Variants in CSNK2A2IP observed in about 807,000 individuals in gnomAD.
CSNK2A2IP encodes the protein casein kinase 2 subunit alpha' interacting protein.
the CSNK2A2IP span, among the ~76,000 whole-genome samples, chr3:88,388,949 G>A: frequency 6.7e-6 from 1 of 148,246 alleles, no homozygotes; most frequent in Non-Finnish European, 1.5e-5. Flanking sequence ...TGTCTCCTTT[G>A]TGCTGCTTTA....
the CSNK2A2IP span, among the ~76,000 whole-genome samples, chr3:88,368,756 C>T: frequency 6.6e-6 from 1 of 152,096 alleles, no homozygotes; most frequent in South Asian, 2.1e-4. Context: ...TTGCATTGAC[C>T]TTTGATCTGT....
chr3:88,403,712 C>A, the CSNK2A2IP span, among the ~76,000 whole-genome samples: 2 of 152,006 alleles, frequency 1.3e-5, no homozygotes, highest in East Asian at 3.9e-4. Flanking sequence ...TTTACTTTTT[C>A]TAGGTTAAGG....
At chr3:88,435,971 A>G in the CSNK2A2IP span, among the ~76,000 whole-genome samples, 1 of 139,092 alleles carries the variant, frequency 7.2e-6, no homozygotes, top group South Asian at 2.3e-4. Flanking sequence ...TGTGCATTAT[A>G]TATATTTCAG....
the CSNK2A2IP span, among the ~76,000 whole-genome samples, chr3:88,464,611 C>T: frequency 2.6e-5 from 4 of 151,922 alleles, no homozygotes; most frequent in Admixed American, 6.6e-5. Flanking sequence ...TAAAAATATG[C>T]GATAGACTTT....
chr3:88,415,058 T>C, the CSNK2A2IP span, among the ~76,000 whole-genome samples: 2 of 151,768 alleles, frequency 1.3e-5, no homozygotes, highest in East Asian at 1.9e-4. Flanking sequence ...TAAATTTACA[T>C]TCATGTAAGA....
chr3:88,404,594 CTT>C, the CSNK2A2IP span, among the ~76,000 whole-genome samples: 23 of 122,670 alleles, frequency 1.9e-4, 1 homozygote, highest in African/African-American at 4.5e-4. Context: ...TCCATTTACT[CTT>C]TGTTTCTCTC....
chr3:88,394,303 C>G, the CSNK2A2IP span, among the ~76,000 whole-genome samples: 1 of 152,106 alleles, frequency 6.6e-6, no homozygotes, highest in African/African-American at 2.4e-5. Context: ...ATATCATCAC[C>G]AATATTTGGT....
chr3:88,397,995 A>T, the CSNK2A2IP span, among the ~76,000 whole-genome samples: 4 of 152,110 alleles, frequency 2.6e-5, no homozygotes, highest in Non-Finnish European at 5.9e-5. Context: ...TTTGGATAGG[A>T]ACCATTGTTC....
the CSNK2A2IP span, among the ~76,000 whole-genome samples, chr3:88,430,777 A>C: frequency 1.3e-5 from 2 of 151,386 alleles, no homozygotes; most frequent in Non-Finnish European, 3.0e-5. Flanking sequence ...AACAACATGG[A>C]AAAAAAAACC....
At chr3:88,457,771 A>G in the CSNK2A2IP span, among the ~76,000 whole-genome samples, 1 of 149,512 alleles carries the variant, frequency 6.7e-6, no homozygotes, top group African/African-American at 2.5e-5. Context: ...AGTTTTTAAC[A>G]TAGCTTGAGT....
chr3:88,354,848 A>T, the CSNK2A2IP span, among the ~76,000 whole-genome samples: 2 of 152,180 alleles, frequency 1.3e-5, no homozygotes, highest in African/African-American at 2.4e-5. Context: ...AGAACTAAGG[A>T]TGTGTGTAAC....
chr3:88,350,438 G>A, the CSNK2A2IP span, among the ~76,000 whole-genome samples: 3 of 152,008 alleles, frequency 2.0e-5, no homozygotes, highest in East Asian at 3.9e-4. Flanking sequence ...CTTCATTGAG[G>A]AATTCATCGC....
At chr3:88,388,979 T>C in the CSNK2A2IP span, among the ~76,000 whole-genome samples, 40 of 20,668 alleles carry the variant, frequency 1.9e-3, no homozygotes, top group Non-Finnish European at 0.025. Context: ...GATATAACAA[T>C]GAACCAGCAG....
chr3:88,417,729 GTTC>G, the CSNK2A2IP span, among the ~76,000 whole-genome samples: 2 of 152,086 alleles, frequency 1.3e-5, no homozygotes, highest in African/African-American at 4.8e-5. Flanking sequence ...GTAGGTCCTG[GTTC>G]TTCTTCCTGA....
At chr3:88,340,123 A>C in the CSNK2A2IP span, among the ~76,000 whole-genome samples, 1 of 152,114 alleles carries the variant, frequency 6.6e-6, no homozygotes, top group South Asian at 2.1e-4. Context: ...AGTCATTGTG[A>C]TTATGACTTG....
At chr3:88,351,118 T>C in the CSNK2A2IP span, among the ~76,000 whole-genome samples, 65 of 152,172 alleles carry the variant, frequency 4.3e-4, 1 homozygote, top group Admixed American at 4.2e-3. Context: ...TTCTCTAATA[T>C]TAGAAAATGA....
chr3:88,342,107 A>G, the CSNK2A2IP span, among the ~76,000 whole-genome samples: 3 of 151,968 alleles, frequency 2.0e-5, no homozygotes, highest in South Asian at 2.1e-4. Flanking sequence ...GTAGTCTGGT[A>G]TAGTAAATAA....
the CSNK2A2IP span, among the ~76,000 whole-genome samples, chr3:88,357,007 A>T: frequency 6.6e-6 from 1 of 152,060 alleles, no homozygotes; most frequent in African/African-American, 2.4e-5. Flanking sequence ...TATTTTGGTT[A>T]TTAATCCTTT....
At chr3:88,339,143 C>T in the CSNK2A2IP span, among the ~76,000 whole-genome samples, 4 of 152,136 alleles carry the variant, frequency 2.6e-5, no homozygotes, top group East Asian at 7.7e-4. Flanking sequence ...CTATAGAACA[C>T]TAGATCTTAT....
Sources: allele counts gnomAD v4.1 joint callset (sites outside exome capture counted in the v4.1 genomes callset), GRCh38; gene constraint gnomAD v4.1.1; transcripts MANE v1.5; gene names NCBI Gene and HGNC (gene_info 2026-07-23, HGNC 2026-07-21).